Variants in GRIP1 observed in about 807,000 individuals in gnomAD.
GRIP1 encodes the protein glutamate receptor-interacting protein 1.
A neutral mutation model predicts 129.9 loss-of-function variants in GRIP1; 45 were observed. The observed-to-expected ratio is 0.35, with a 90% CI of 0.27 to 0.44. The LOEUF is 0.44. Among genes scored for constraint, GRIP1 ranks in the 20% least tolerant of loss-of-function variants. The pLI, the probability that GRIP1 is intolerant of heterozygous loss-of-function variation, is 1.00. For synonymous variants in GRIP1, 530 were observed against 520.8 expected, an observed-to-expected ratio of 1.02 and a Z score of -0.24; for missense variants, 1,196 against 1,396.8, an observed-to-expected ratio of 0.86 and a Z score of 2.29.
At chr12:66,752,778 G>A (rs918964897) in intron 1 of GRIP1, among the ~76,000 whole-genome samples, 31 of 152,114 alleles carry the variant, frequency 2.0e-4, no homozygotes, top group African/African-American at 7.2e-4. Context: ...TAGGGAAACT[G>A]TAGGGAAATA....
At chr12:66,681,373 T>G (rs1045877277), upstream of GRIP1, among the ~76,000 whole-genome samples, 1 of 152,114 alleles carries the variant, frequency 6.6e-6, no homozygotes, top group African/African-American at 2.4e-5. Context: ...TAGCCTCCCA[T>G]CCTGAACTCT....
At chr12:66,630,393 G>A (rs1378611978) in intron 1 of GRIP1, 2 of 151,874 alleles carry the variant, frequency 1.3e-5, no homozygotes, top group Non-Finnish European at 2.9e-5. Context: ...CCAACTCTCA[G>A]TCTCTCTGGA....
chr12:67,031,282 C>T (rs2043018471), intron 1 of GRIP1, among the ~76,000 whole-genome samples: 1 of 152,192 alleles, frequency 6.6e-6, no homozygotes, highest in Non-Finnish European at 1.5e-5. Flanking sequence ...GAAGCCTTCT[C>T]AAAGCAAACT....
chr12:66,539,068 C>G lies in GRIP1; in HGVS notation c.418+10G>C, dbSNP rs1219983366. The G allele has an allele frequency of 6.2e-7, 1 of 1,612,410 alleles. No homozygotes were observed. The highest frequency in any genetic ancestry group is 1.1e-5 in the South Asian group (1 of 91,050). On this transcript the variant is annotated intron_variant, in intron 4 of 24. Coordinates refer to ENST00000359742, the MANE Select transcript of GRIP1 (RefSeq NM_001366722.1). Reference sequence around the variant, plus strand: ...TATCCCCTATGGATAAGGGGGGCTACTGTACTTACAGACCGGTGGAAGCTC... The same window carrying G: ...TATCCCCTATGGATAAGGGGGGCTAGTGTACTTACAGACCGGTGGAAGCTC...
intron 1 of GRIP1, among the ~76,000 whole-genome samples, chr12:66,962,044 C>G (rs1235518847): frequency 6.6e-6 from 1 of 151,954 alleles, no homozygotes; most frequent in Non-Finnish European, 1.5e-5. Flanking sequence ...GAGAGCCTAC[C>G]CTTGAATTCA....
intron 1 of GRIP1, among the ~76,000 whole-genome samples, chr12:66,753,818 G>C (rs2037201951): frequency 1.3e-5 from 2 of 152,162 alleles, no homozygotes; most frequent in African/African-American, 4.8e-5. Context: ...TTTACTGAAA[G>C]TGGTTAAATG....
chr12:67,052,059 A>G (rs1436453581), intron 1 of GRIP1, among the ~76,000 whole-genome samples: 1 of 152,212 alleles, frequency 6.6e-6, no homozygotes, highest in Non-Finnish European at 1.5e-5. Flanking sequence ...ATTCTTTAAA[A>G]TCAATCCTTT....
chr12:67,006,906 G>A (rs911455658), intron 1 of GRIP1, among the ~76,000 whole-genome samples: 1 of 152,246 alleles, frequency 6.6e-6, no homozygotes. Flanking sequence ...CAGAGCTTAA[G>A]TAGAGTTTGG....
chr12:66,604,559 T>A (rs576321420), intron 1 of GRIP1, among the ~76,000 whole-genome samples: 1 of 152,370 alleles, frequency 6.6e-6, no homozygotes, highest in South Asian at 2.1e-4. Flanking sequence ...AAATTCAGTA[T>A]ATCTTTCACA....
At chr12:66,891,081 T>C (rs1311585899) in intron 1 of GRIP1, among the ~76,000 whole-genome samples, 1 of 152,250 alleles carries the variant, frequency 6.6e-6, no homozygotes, top group Non-Finnish European at 1.5e-5. Flanking sequence ...AGAAGTCATG[T>C]ATACTTCAAT....
chr12:66,751,368 A>G (rs2037121856), intron 1 of GRIP1, among the ~76,000 whole-genome samples: 1 of 152,158 alleles, frequency 6.6e-6, no homozygotes, highest in South Asian at 2.1e-4. Context: ...GTACAGGCAG[A>G]AAAGGGGTAA....
chr12:66,928,767 G>A (rs1306763395), intron 1 of GRIP1, among the ~76,000 whole-genome samples: 5 of 152,200 alleles, frequency 3.3e-5, no homozygotes, highest in Non-Finnish European at 7.3e-5. Flanking sequence ...AATGCAAGAG[G>A]AATTTGTATT....
intron 1 of GRIP1, among the ~76,000 whole-genome samples, chr12:66,725,506 T>C (rs1341126229): frequency 6.6e-6 from 1 of 152,182 alleles, no homozygotes; most frequent in Non-Finnish European, 1.5e-5. Context: ...AGTAGGTATA[T>C]ATACTGCTTT....
At chr12:66,667,792 G>T (rs1392318482) in intron 1 of GRIP1, among the ~76,000 whole-genome samples, 1 of 152,118 alleles carries the variant, frequency 6.6e-6, no homozygotes, top group African/African-American at 2.4e-5. Flanking sequence ...GGTGATGAAG[G>T]TGAAGGAGGT....
chr12:66,604,493 C>T (rs903619513), intron 1 of GRIP1, among the ~76,000 whole-genome samples: 8 of 152,174 alleles, frequency 5.3e-5, no homozygotes, highest in African/African-American at 1.7e-4. Context: ...GGAATGTATT[C>T]CATAAAGTTC....
chr12:66,929,392 T>C (rs186276344), intron 1 of GRIP1, among the ~76,000 whole-genome samples: 1 of 152,304 alleles, frequency 6.6e-6, no homozygotes, highest in Admixed American at 6.5e-5. Flanking sequence ...ACAAGACATA[T>C]CATGATATAA....
intron 19 of GRIP1, among the ~76,000 whole-genome samples, chr12:66,386,602 C>T (rs1452826955): frequency 2.0e-5 from 3 of 152,088 alleles, no homozygotes; most frequent in South Asian, 4.1e-4. Flanking sequence ...CCACTGCACT[C>T]CAGCCTGGGT....
intron 16 of GRIP1, among the ~76,000 whole-genome samples, chr12:66,403,246 C>T (rs1468139139): frequency 6.6e-6 from 1 of 152,184 alleles, no homozygotes; most frequent in Non-Finnish European, 1.5e-5. Flanking sequence ...GTGGTGTACA[C>T]GGTACCCAAT....
intron 1 of GRIP1, among the ~76,000 whole-genome samples, chr12:66,885,348 T>C (rs924083013): frequency 5.9e-5 from 9 of 152,028 alleles, no homozygotes; most frequent in Admixed American, 5.2e-4. Context: ...AGCTGGAACA[T>C]CCCATGGCCC....
Sources: allele counts gnomAD v4.1 joint callset (sites outside exome capture counted in the v4.1 genomes callset), GRCh38; gene constraint gnomAD v4.1.1; transcripts MANE v1.5; gene names NCBI Gene and HGNC (gene_info 2026-07-23, HGNC 2026-07-21).